The following ANO2 variants were observed in gnomAD, a reference collection of about 807,000 sequenced individuals.
ANO2 encodes anoctamin-2.
In ANO2, 101 loss-of-function variants were observed where a neutral mutation model predicts 124.2. The ratio of observed to expected loss-of-function variants is 0.81; its 90% CI spans 0.69 to 0.96. The LOEUF (loss-of-function observed/expected upper bound fraction) is 0.96, where lower values mean the gene tolerates loss of function less well. ANO2 is among the 40% of genes least tolerant of loss of function. The probability of loss-of-function intolerance (pLI) is 0.00; values close to 1 mark genes in which losing one functional copy is unlikely to be tolerated. For synonymous variants in ANO2, 486 were observed against 482.5 expected, an observed-to-expected ratio of 1.01 and a Z score of -0.09; for missense variants, 1,293 against 1,274.5, an observed-to-expected ratio of 1.01 and a Z score of -0.22.
intron 14 of ANO2, among the ~76,000 whole-genome samples, chr12:5,726,827 C>T (rs1480587217): frequency 2.0e-5 from 3 of 152,150 alleles, no homozygotes; most frequent in African/African-American, 7.2e-5. Flanking sequence ...GGGTTGATGA[C>T]CAACATCATC....
At chr12:5,733,141 C>G (rs537147079) in intron 13 of ANO2, 1 of 559,950 alleles carries the variant, frequency 1.8e-6, no homozygotes, top group Admixed American at 3.1e-5. Flanking sequence ...AAAATGGCGA[C>G]CAATAAACAT....
chr12:5,838,882 GCTGA>G (rs1456479813), intron 4 of ANO2, among the ~76,000 whole-genome samples: 4 of 152,196 alleles, frequency 2.6e-5, no homozygotes, highest in African/African-American at 9.7e-5. Context: ...CTGCCTCTTT[GCTGA>G]CACCAATGAG....
chr12:5,624,206 T>C (rs778662894), intron 16 of ANO2, among the ~76,000 whole-genome samples: 1 of 151,372 alleles, frequency 6.6e-6, no homozygotes, highest in African/African-American at 2.4e-5. Flanking sequence ...CATCTCCTTT[T>C]AAGAAAAAAG....
In ANO2 at chr12:5,577,953, A is replaced by G. The variant is rs750108443; in HGVS notation, c.2439+2T>C. ...GAGTGTGTCATGAATGCAAGTACTTACGTTGCTGATAACAGAGAACTTGCC... is the reference window on the plus strand; with the variant it reads ...GAGTGTGTCATGAATGCAAGTACTTGCGTTGCTGATAACAGAGAACTTGCC... On this transcript the variant is annotated splice_donor_variant, in intron 22 of 24. Transcript: ENST00000682330. LOFTEE classifies it high-confidence loss of function. 6.2e-7 allele frequency: 1 copy of G among 1,613,106 alleles called. No individual in the cohort carries two copies. The highest frequency in any genetic ancestry group is 1.7e-5 in the Admixed American group (1 of 59,968).
intron 11 of ANO2, among the ~76,000 whole-genome samples, chr12:5,744,537 C>T (rs1173103986): frequency 6.6e-6 from 1 of 152,190 alleles, no homozygotes; most frequent in African/African-American, 2.4e-5. Context: ...ATGGAGCTCC[C>T]TGTCACTACA....
chr12:5,744,611 T>C (rs1951211471), intron 11 of ANO2, among the ~76,000 whole-genome samples: 1 of 152,126 alleles, frequency 6.6e-6, no homozygotes, highest in South Asian at 2.1e-4. Flanking sequence ...CCTCATAAAG[T>C]CCCTTCAGAA....
chr12:5,804,908 T>C (rs181192173), intron 9 of ANO2, among the ~76,000 whole-genome samples: 1 of 152,078 alleles, frequency 6.6e-6, no homozygotes, highest in East Asian at 1.9e-4. Flanking sequence ...GTGATCACCA[T>C]TTAAAGGGAA....
chr12:5,940,260 G>C (rs1461037711), intron 1 of ANO2, among the ~76,000 whole-genome samples: 1 of 152,148 alleles, frequency 6.6e-6, no homozygotes, highest in Non-Finnish European at 1.5e-5. Context: ...CTATAAACTG[G>C]ATCAAATCAT....
At chr12:5,651,951 A>G (rs959464450) in intron 14 of ANO2, among the ~76,000 whole-genome samples, 1 of 152,246 alleles carries the variant, frequency 6.6e-6, no homozygotes, top group African/African-American at 2.4e-5. Flanking sequence ...TTGCTGAATA[A>G]TATTCCACTG....
At chr12:5,863,489 A>G (rs906062631) in intron 3 of ANO2, among the ~76,000 whole-genome samples, 6 of 152,192 alleles carry the variant, frequency 3.9e-5, no homozygotes, top group African/African-American at 1.4e-4. Flanking sequence ...CAAGCCACCA[A>G]AGCTCTCTCG....
rs761277703 is a variant in ANO2 at position 5,744,111 on chromosome 12, T to C, written c.1351+46A>G. ...CTTTACAGCTTGGTCACTGTGCCCA[T>C]GTAAAGGAACCACCCATATAAGCAA... On this transcript the variant is annotated intron_variant, in intron 12 of 24. Coordinates refer to ENST00000682330, the MANE Select transcript of ANO2 (RefSeq NM_001364791.2). 4.4e-6 allele frequency: 7 copies of C among 1,608,948 alleles called. No individual in the cohort carries two copies. The East Asian group carries it at 8.9e-5, about 21-fold the overall frequency.
intron 7 of ANO2, among the ~76,000 whole-genome samples, chr12:5,822,714 T>C (rs1953843041): frequency 6.6e-6 from 1 of 152,216 alleles, no homozygotes; most frequent in African/African-American, 2.4e-5. Flanking sequence ...AACAGACACT[T>C]ACTCAGGGTA....
intron 18 of ANO2, 36 bp from the exon 19 acceptor site, chr12:5,612,792 C>T (rs770150448): frequency 1.2e-6 from 2 of 1,612,074 alleles, no homozygotes; most frequent in Admixed American, 1.7e-5. Flanking sequence ...CCGGTTAGAA[C>T]AAAAGGGAGC....
intron 16 of ANO2, among the ~76,000 whole-genome samples, chr12:5,634,820 G>A (rs1193116082): frequency 1.3e-5 from 2 of 152,226 alleles, no homozygotes; most frequent in South Asian, 2.1e-4. Flanking sequence ...TTAACAGGAA[G>A]TCTTGAGTCT....
intron 14 of ANO2, among the ~76,000 whole-genome samples, chr12:5,680,802 G>A (rs2137000326): frequency 6.6e-6 from 1 of 152,318 alleles, no homozygotes; most frequent in East Asian, 1.9e-4. Context: ...ATAAGAATCA[G>A]ATAGGGGATA....
intron 20 of ANO2, among the ~76,000 whole-genome samples, chr12:5,593,213 C>G (rs548704722): frequency 6.6e-6 from 1 of 152,312 alleles, no homozygotes; most frequent in South Asian, 2.1e-4. Context: ...AAATTCATCT[C>G]ATCACCCACA....
rs1260077422 is a variant in ANO2 at position 5,862,419 on chromosome 12, T to C, written c.535-8278A>G. On this transcript the variant is annotated intron_variant, in intron 3 of 24. Transcript: ENST00000682330. This position sits in a 1 kb window ranked among gnomAD's most constrained non-coding sequence, Gnocchi z 4.0. The stretch of plus-strand genomic sequence containing the variant: ...TGAAAACTCAGCCACTTTTGTCGTA[T>C]TTCTGGGTGCCAACCTGGACAGACA... 6.6e-6 allele frequency among the ~76,000 whole-genome samples: 1 copy of C among 152,202 alleles called. No individual in the cohort carries two copies. The highest frequency in any genetic ancestry group is 1.5e-5 in the Non-Finnish European group (1 of 68,046).
intron 3 of ANO2, among the ~76,000 whole-genome samples, chr12:5,880,144 G>C (rs1389304429): frequency 6.6e-6 from 1 of 152,180 alleles, no homozygotes; most frequent in African/African-American, 2.4e-5. Context: ...AGTTGACAGG[G>C]AGAATGGTTA....
intron 3 of ANO2, among the ~76,000 whole-genome samples, chr12:5,912,650 G>C (rs770187434): frequency 3.3e-5 from 5 of 152,152 alleles, no homozygotes; most frequent in Admixed American, 6.5e-5. Flanking sequence ...GTGCCTCCCT[G>C]TCTCAGCTGT....
Sources: allele counts gnomAD v4.1 joint callset (sites outside exome capture counted in the v4.1 genomes callset), GRCh38; gene constraint gnomAD v4.1.1; non-coding constraint Gnocchi (gnomAD v3.1); transcripts MANE v1.5; gene names NCBI Gene and HGNC (gene_info 2026-07-23, HGNC 2026-07-21).